Variants in WAC observed in about 807,000 individuals in gnomAD.
The protein encoded by WAC is WW domain containing adaptor with coiled-coil, also known as WW domain-containing adapter protein with coiled-coil.
In WAC, 11 loss-of-function variants were observed where a neutral mutation model predicts 79.6. The ratio of observed to expected loss-of-function variants is 0.14; its 90% CI spans 0.09 to 0.23. The LOEUF is 0.23. Among genes scored for constraint, WAC ranks in the 10% least tolerant of loss-of-function variants. WAC has a pLI of 1.00. For missense variants in WAC, 728 were observed against 773.5 expected (o/e 0.94, Z 0.70); for synonymous variants, 304 against 276.9 (o/e 1.10, Z -0.97).
chr10:28,568,849 G>A (rs1838793930), intron 3 of WAC, among the ~76,000 whole-genome samples: 1 of 152,132 alleles, frequency 6.6e-6, no homozygotes, highest in African/African-American at 2.4e-5. Flanking sequence ...TGGGATTACA[G>A]GCATGAGCCA....
intron 2 of WAC, 106 bp from the exon 3 acceptor site, chr10:28,535,456 G>T: frequency 1.5e-6 from 2 of 1,304,914 alleles, no homozygotes; most frequent in Non-Finnish European, 2.0e-6. Flanking sequence ...TTTTAATTTT[G>T]TAAGTTCATA....
Position 28,614,596 on chromosome 10 carries a change from A to G in WAC, c.1467A>G (p.Pro489=), listed in dbSNP as rs1285456054. The G allele has an allele frequency of 2.5e-6, 4 of 1,614,204 alleles. No homozygotes were observed. Among genetic ancestry groups the G allele is most frequent in the Non-Finnish European group, 3.4e-6 (4 of 1,180,036 alleles). Residue 489 remains proline, a synonymous_variant, in exon 11 of 14, where the codon CCA becomes CCG. Coordinates refer to ENST00000354911, the MANE Select transcript of WAC (RefSeq NM_016628.5). ...GTACTCCAGTAGTTAAGCAAGGACC[A>G]GTGTCACAGTCAGCCACACAGCAGC... ...KVSTPVVKQG[P]VSQSATQQPV... is the part of the protein sequence containing the mutation.
At position 28,619,066 on chromosome 10, in the gene WAC, G is replaced by A. The variant is rs559046084; in HGVS notation, c.1875-471G>A. Among the ~76,000 whole-genome samples, 53 of 152,294 alleles carry A rather than the reference G, an allele frequency of 3.5e-4. No individual in the cohort carries two copies. The East Asian group carries it at 6.7e-3, about 19-fold the overall frequency. On this transcript the variant is annotated intron_variant, in intron 13 of 13. Coordinates refer to ENST00000354911, the MANE Select transcript of WAC (RefSeq NM_016628.5). ...GGCCAAGGTGGGCGGATCACCTGAG[G>A]TCAGGAGTTCAAGACCAGCCTGGCC...
intron 3 of WAC, among the ~76,000 whole-genome samples, chr10:28,554,056 T>C (rs373892249): frequency 2.0e-5 from 3 of 152,054 alleles, no homozygotes; most frequent in African/African-American, 7.2e-5. Context: ...TAGTAAGAGA[T>C]GGGGTTTCGC....
Position 28,608,229 on chromosome 10 carries a change from T to C in WAC, c.963T>C (p.Thr321=). 1 of 1,614,200 alleles carries C rather than the reference T, an allele frequency of 6.2e-7. No individual in the cohort carries two copies. The highest frequency in any genetic ancestry group is 8.5e-7 in the Non-Finnish European group (1 of 1,180,040). ...AACCCGTATCACATTCTTGCACAAC[T>C]CCTTCCACGTCTTCTGCCTCTGGAC... ...GDKPVSHSCT[T]PSTSSASGLN... is the part of the protein sequence containing the mutation. The change falls in exon 8 of 14, where the codon ACT becomes ACC. Residue 321 remains threonine (T), a synonymous_variant. Transcript: ENST00000354911.
intron 7 of WAC, among the ~76,000 whole-genome samples, chr10:28,607,742 G>C (rs1212955570): frequency 6.6e-6 from 1 of 152,178 alleles, no homozygotes; most frequent in Non-Finnish European, 1.5e-5. Context: ...TCTTATTGAG[G>C]TAGGTTGTTA....
chr10:28,595,848 T>C lies in WAC; in HGVS notation c.726T>C (p.Ser242=). 1 of 1,614,092 alleles carries C rather than the reference T, an allele frequency of 6.2e-7. No homozygotes were observed. Among genetic ancestry groups the C allele is most frequent in the South Asian group, 1.1e-5 (1 of 91,080 alleles). The change falls in exon 7 of 14, where the codon AGT becomes AGC. Residue 242 remains serine, a synonymous_variant. Transcript: ENST00000354911. ...TGCCAAGAGCAGAGACTCACAGTAG[T>C]TCTACGCCAGTACAGCACCCCATCA... The part of the protein sequence containing the change: ...YRLPRAETHS[S]STPVQHPIKP...
chr10:28,604,372 C>G (rs1366407997), intron 7 of WAC, among the ~76,000 whole-genome samples: 1 of 151,970 alleles, frequency 6.6e-6, no homozygotes, highest in Non-Finnish European at 1.5e-5. Context: ...AACTGGCACC[C>G]AGGCAGCAAG....
chr10:28,549,360 T>G (rs1837539710), intron 3 of WAC, among the ~76,000 whole-genome samples: 1 of 152,226 alleles, frequency 6.6e-6, no homozygotes, highest in African/African-American at 2.4e-5. Flanking sequence ...ATCTCATGCT[T>G]CTTTTAATCC....
chr10:28,563,214 A>G (rs1171462373), intron 3 of WAC, among the ~76,000 whole-genome samples: 1 of 152,122 alleles, frequency 6.6e-6, no homozygotes, highest in African/African-American at 2.4e-5. Context: ...CGAGCATTTT[A>G]GCATTACTCT....
intron 5 of WAC, 47 bp downstream of exon 5, chr10:28,589,898 C>T (rs1195006566): frequency 7.2e-7 from 1 of 1,384,366 alleles, no homozygotes; most frequent in South Asian, 1.2e-5. Context: ...TAGCTTGGTT[C>T]TACTGGTTAA....
chr10:28,574,072 A>C (rs955590097), intron 3 of WAC, among the ~76,000 whole-genome samples: 1 of 152,102 alleles, frequency 6.6e-6, no homozygotes, highest in Non-Finnish European at 1.5e-5. Context: ...ATTCTGTTGC[A>C]TGATTATGCC....
intron 1 of WAC, 107 bp from the exon 2 acceptor site, chr10:28,533,891 T>C: frequency 7.2e-7 from 1 of 1,393,990 alleles, no homozygotes; most frequent in Non-Finnish European, 1.0e-6. Context: ...GCTGGGGCGC[T>C]CGGTAGGTCT....
rs1029797884 is a variant in WAC at position 28,591,043 on chromosome 10, C to G, written c.610+211C>G. 26 of 494,466 alleles carry G rather than the reference C, an allele frequency of 5.3e-5. No individual in the cohort carries two copies. In the Admixed American group the frequency reaches 6.2e-4, roughly 12 times the overall value. 30.6% of individuals were successfully genotyped at this position (494,466 alleles called of 1,614,324 possible). ...GAGTAGTACAGGTATGTGTTTCCCA[C>G]TACACATTATGGCTATAATGGAGTT... On this transcript the variant is annotated intron_variant, in intron 6 of 13. Transcript: ENST00000354911.
At chr10:28,609,820 G>C (rs963540582) in intron 8 of WAC, among the ~76,000 whole-genome samples, 4 of 152,022 alleles carry the variant, frequency 2.6e-5, no homozygotes, top group African/African-American at 9.7e-5. Context: ...GCTATGGTAA[G>C]CTGTGATTGC....
chr10:28,571,397 A>G (rs1257452912), intron 3 of WAC, among the ~76,000 whole-genome samples: 4 of 152,200 alleles, frequency 2.6e-5, no homozygotes, highest in African/African-American at 4.8e-5. Flanking sequence ...GTAGTCTAGC[A>G]TAACAGCTTT....
At chr10:28,600,892 C>G (rs545358048) in intron 7 of WAC, among the ~76,000 whole-genome samples, 1 of 151,624 alleles carries the variant, frequency 6.6e-6, no homozygotes, top group Non-Finnish European at 1.5e-5. Flanking sequence ...AGTGGACAAT[C>G]CAATGAACAG....
intron 4 of WAC, among the ~76,000 whole-genome samples, chr10:28,588,457 T>G (rs1054550762): frequency 1.3e-5 from 2 of 152,230 alleles, no homozygotes; most frequent in Admixed American, 1.3e-4. Flanking sequence ...GACTCGGTGT[T>G]AATTTAGTGG....
intron 3 of WAC, among the ~76,000 whole-genome samples, chr10:28,580,606 T>C (rs957872293): frequency 6.6e-6 from 1 of 152,154 alleles, no homozygotes; most frequent in Non-Finnish European, 1.5e-5. Context: ...TAGGTTTTTT[T>C]CCATTACTGT....
Sources: allele counts gnomAD v4.1 joint callset (sites outside exome capture counted in the v4.1 genomes callset), GRCh38; gene constraint gnomAD v4.1.1; transcripts MANE v1.5; gene names NCBI Gene and HGNC (gene_info 2026-07-23, HGNC 2026-07-21).